Variants in UBE2E2 observed in about 807,000 individuals in gnomAD.
The protein encoded by UBE2E2 is ubiquitin-conjugating enzyme E2 E2.
In UBE2E2, 6 loss-of-function variants were observed where a neutral mutation model predicts 24.7. The observed-to-expected ratio is 0.24, with a 90% CI of 0.13 to 0.48. The LOEUF (loss-of-function observed/expected upper bound fraction) is 0.48, where lower values mean the gene tolerates loss of function less well. Among genes scored for constraint, UBE2E2 ranks in the 20% least tolerant of loss-of-function variants. UBE2E2 has a pLI of 0.99. For synonymous variants in UBE2E2, 104 were observed against 83.6 expected (o/e 1.24, Z -1.33); for missense variants, 169 against 245.0 (o/e 0.69, Z 2.07).
chr3:23,338,425 G>A (rs1346018531), intron 3 of UBE2E2, among the ~76,000 whole-genome samples: 1 of 152,036 alleles, frequency 6.6e-6, no homozygotes, highest in East Asian at 1.9e-4. Flanking sequence ...TAAAGAGAAG[G>A]TTGCATATAT....
chr3:23,467,452 C>T (rs1698944317), intron 3 of UBE2E2, among the ~76,000 whole-genome samples: 1 of 152,220 alleles, frequency 6.6e-6, no homozygotes, highest in Non-Finnish European at 1.5e-5. Flanking sequence ...CGACTTCTCA[C>T]TGCTCTATGA....
chr3:23,544,368 T>C (rs771285606), intron 5 of UBE2E2, among the ~76,000 whole-genome samples: 22 of 151,676 alleles, frequency 1.5e-4, no homozygotes, highest in Non-Finnish European at 2.8e-4. Flanking sequence ...AAAAAAACAG[T>C]CCCATCAAAA....
intron 2 of UBE2E2, among the ~76,000 whole-genome samples, chr3:23,215,492 A>G (rs1453668751): frequency 2.6e-5 from 4 of 151,826 alleles, no homozygotes; most frequent in Non-Finnish European, 5.9e-5. Context: ...GTTATTTTAC[A>G]TTTTAGTTTG....
At chr3:23,254,457 C>G (rs566754758) in intron 3 of UBE2E2, among the ~76,000 whole-genome samples, 35 of 152,196 alleles carry the variant, frequency 2.3e-4, no homozygotes, top group African/African-American at 8.4e-4. Context: ...GAAGCTGGTC[C>G]AGGCTAGTTT....
intron 3 of UBE2E2, among the ~76,000 whole-genome samples, chr3:23,293,003 GT>G: frequency 6.6e-6 from 1 of 152,300 alleles, no homozygotes; most frequent in African/African-American, 2.4e-5. Flanking sequence ...AACCTGGGAG[GT>G]GGAGATTGCA....
rs566225179 is a variant in UBE2E2 at position 23,258,167 on chromosome 3, A to G, written c.227+40855A>G. Among the ~76,000 whole-genome samples the G allele has an allele frequency of 7.0e-4, 106 of 152,332 alleles. 1 individual carries two copies. Among genetic ancestry groups the G allele is most frequent in the African/African-American group, 2.5e-3 (104 of 41,568 alleles). On this transcript the variant is annotated intron_variant, in intron 3 of 5. Coordinates refer to ENST00000396703, the MANE Select transcript of UBE2E2 (RefSeq NM_152653.4). ...GCAAGATGAGACCATGTTATTGAGC[A>G]CACCGAAGGTAAGATCAAGAATTTA...
At chr3:23,344,035 T>C (rs561236071) in intron 3 of UBE2E2, among the ~76,000 whole-genome samples, 3 of 152,328 alleles carry the variant, frequency 2.0e-5, no homozygotes, top group African/African-American at 7.2e-5. Flanking sequence ...CAACTAAATC[T>C]AGTTTTCAAG....
intron 3 of UBE2E2, among the ~76,000 whole-genome samples, chr3:23,223,334 A>G (rs1419525661): frequency 6.6e-6 from 1 of 151,810 alleles, no homozygotes; most frequent in Non-Finnish European, 1.5e-5. Context: ...CTGGGATTAG[A>G]GGCATGCACC....
intron 3 of UBE2E2, among the ~76,000 whole-genome samples, chr3:23,461,680 G>C (rs1391794758): frequency 6.6e-6 from 1 of 151,812 alleles, no homozygotes; most frequent in East Asian, 1.9e-4. Flanking sequence ...GAAGCAATAA[G>C]ACACAAAAGC....
At chr3:23,476,679 C>A (rs939815519) in intron 3 of UBE2E2, among the ~76,000 whole-genome samples, 3 of 151,946 alleles carry the variant, frequency 2.0e-5, no homozygotes, top group Admixed American at 6.6e-5. Context: ...CAGAGCAAGA[C>A]CCTGTCTCAA....
intron 3 of UBE2E2, among the ~76,000 whole-genome samples, chr3:23,353,601 CAGAG>C (rs1321091971): frequency 2.6e-5 from 4 of 152,080 alleles, no homozygotes; most frequent in Non-Finnish European, 5.9e-5. Context: ...AGCAGACAAA[CAGAG>C]AGCCAAATCA....
At chr3:23,302,256 G>A (rs1699118257) in intron 3 of UBE2E2, among the ~76,000 whole-genome samples, 1 of 152,094 alleles carries the variant, frequency 6.6e-6, no homozygotes, top group Admixed American at 6.6e-5. Flanking sequence ...TGCCTGCAAA[G>A]TATGTTTCTT....
chr3:23,508,655 C>T (rs1019409446), intron 4 of UBE2E2, among the ~76,000 whole-genome samples: 1 of 152,110 alleles, frequency 6.6e-6, no homozygotes, highest in Non-Finnish European at 1.5e-5. Flanking sequence ...AAGAGCCCTG[C>T]CATAAAGGTG....
intron 3 of UBE2E2, among the ~76,000 whole-genome samples, chr3:23,497,598 A>G (rs1699630285): frequency 6.6e-6 from 1 of 152,198 alleles, no homozygotes; most frequent in South Asian, 2.1e-4. Flanking sequence ...TTGTGGGTAT[A>G]ATTTTAACTT....
rs1232817734 is a variant in UBE2E2 at position 23,575,344 on chromosome 3, A to G, written c.509-14390A>G. ...TCTTTGATCTCTACAAGTTCAGTAAACCTGGAAATGACATTGAATGAGGCA... is the reference window on the plus strand; with the variant it reads ...TCTTTGATCTCTACAAGTTCAGTAAGCCTGGAAATGACATTGAATGAGGCA... On this transcript the variant is annotated intron_variant, in intron 5 of 5. Coordinates refer to ENST00000396703, the MANE Select transcript of UBE2E2 (RefSeq NM_152653.4). Among the ~76,000 whole-genome samples, 4 of 152,324 alleles carry G rather than the reference A, an allele frequency of 2.6e-5. No individual in the cohort carries two copies. The East Asian group carries it at 5.8e-4, about 22-fold the overall frequency.
chr3:23,446,511 A>G (rs538500543), intron 3 of UBE2E2, among the ~76,000 whole-genome samples: 1 of 152,234 alleles, frequency 6.6e-6, no homozygotes, highest in African/African-American at 2.4e-5. Flanking sequence ...GCCCTGGGGA[A>G]GGATATTATG....
At chr3:23,471,115 G>A (rs192890338) in intron 3 of UBE2E2, among the ~76,000 whole-genome samples, 35 of 152,158 alleles carry the variant, frequency 2.3e-4, no homozygotes, top group Non-Finnish European at 4.4e-4. Flanking sequence ...TGGTTTCAAA[G>A]GTCACAGTTT....
intron 4 of UBE2E2, among the ~76,000 whole-genome samples, chr3:23,524,991 A>G (rs537908453): frequency 1.2e-4 from 18 of 152,238 alleles, no homozygotes; most frequent in African/African-American, 4.1e-4. Flanking sequence ...TCCGTGGGTC[A>G]GAAGACTCAA....
At chr3:23,502,461 A>C (rs57853647) in intron 4 of UBE2E2, among the ~76,000 whole-genome samples, 2 of 152,174 alleles carry the variant, frequency 1.3e-5, no homozygotes, top group South Asian at 4.1e-4. Context: ...CCAAATTATC[A>C]TAAATAGAAC....
Sources: gnomAD v4.1 joint callset for allele counts (sites outside exome capture counted in the v4.1 genomes callset) on GRCh38, gnomAD v4.1.1 for gene constraint, MANE v1.5 for transcripts, NCBI Gene and HGNC (gene_info 2026-07-23, HGNC 2026-07-21) for gene names.